SPAG1: variants seen among roughly 807,000 people sequenced by gnomAD.
The protein encoded by SPAG1 is sperm associated antigen 1.
A neutral mutation model predicts 100.5 loss-of-function variants in SPAG1; 69 were observed. The observed-to-expected ratio is 0.69, with a 90% CI of 0.57 to 0.84. The LOEUF (loss-of-function observed/expected upper bound fraction) is 0.84, where lower values mean the gene tolerates loss of function less well. SPAG1 is among the 40% of genes least tolerant of loss of function. SPAG1 has a pLI of 0.00. For synonymous variants in SPAG1, 336 were observed against 411.6 expected, an observed-to-expected ratio of 0.82 and a Z score of 2.22; for missense variants, 955 against 1,133.1, an observed-to-expected ratio of 0.84 and a Z score of 2.26.
intron 13 of SPAG1, 50 bp from the exon 14 acceptor site, chr8:100,225,123 T>TAA (rs1274313170): frequency 2.7e-6 from 4 of 1,475,414 alleles, no homozygotes; most frequent in Non-Finnish European, 3.8e-6. Flanking sequence ...CCTTCAGTAA[T>TAA]ATAAAAAGCA....
intron 4 of SPAG1, among the ~76,000 whole-genome samples, chr8:100,181,565 G>T (rs368369826): frequency 1.5e-4 from 23 of 152,202 alleles, no homozygotes; most frequent in Non-Finnish European, 1.5e-5. Flanking sequence ...CACAATCAAG[G>T]TATTGGCAGG....
intron 14 of SPAG1, among the ~76,000 whole-genome samples, chr8:100,226,233 G>T (rs538744200): frequency 6.6e-6 from 1 of 152,218 alleles, no homozygotes; most frequent in Non-Finnish European, 1.5e-5. Context: ...CAGGGCTAAA[G>T]TGATTCTCCT....
chr8:100,231,319 AT>A, intron 15 of SPAG1, 31 bp downstream of exon 15: 1 of 1,357,700 alleles, frequency 7.4e-7, no homozygotes, highest in Non-Finnish European at 1.0e-6. Flanking sequence ...TATATTTCTT[AT>A]GTTAATAGTT....
intron 10 of SPAG1, among the ~76,000 whole-genome samples, chr8:100,197,157 T>C (rs1381168934): frequency 6.6e-6 from 1 of 152,034 alleles, no homozygotes; most frequent in Non-Finnish European, 1.5e-5. Flanking sequence ...TTCTTTCTGA[T>C]AGAAAGAATA....
At chr8:100,192,423 G>A (rs1359626395) in intron 9 of SPAG1, among the ~76,000 whole-genome samples, 2 of 152,176 alleles carry the variant, frequency 1.3e-5, no homozygotes, top group Non-Finnish European at 2.9e-5. Flanking sequence ...TTACACTGGA[G>A]AGCCAACACA....
intron 3 of SPAG1, among the ~76,000 whole-genome samples, chr8:100,166,322 G>GAT (rs1407574065): frequency 6.6e-6 from 1 of 151,622 alleles, no homozygotes; most frequent in South Asian, 2.1e-4. Flanking sequence ...GCAGTGGCAC[G>GAT]ATCTTGGCTC....
chr8:100,181,259 A>G (rs1816355536), intron 4 of SPAG1, among the ~76,000 whole-genome samples: 1 of 152,184 alleles, frequency 6.6e-6, no homozygotes, highest in Non-Finnish European at 1.5e-5. Context: ...TAAAACTTGC[A>G]TGTATTTATG....
At chr8:100,206,990 C>T (rs999310063) in intron 10 of SPAG1, among the ~76,000 whole-genome samples, 3 of 152,116 alleles carry the variant, frequency 2.0e-5, no homozygotes, top group African/African-American at 7.2e-5. Context: ...TTGGCAGGCC[C>T]CCATAGATGA....
rs1288148545 is a variant in SPAG1 at position 100,225,176 on chromosome 8, A to G, written c.1692A>G (p.Leu564=). Residue 564 remains leucine, a synonymous_variant, in exon 14 of 19, where the codon CTA becomes CTG. Coordinates refer to ENST00000388798, the MANE Select transcript of SPAG1 (RefSeq NM_003114.5). ...AGAAAATTCACTTTCTCTTTAGGCT[A>G]TCAAGAATTTTAATGGAGCTGGATG... ...LQLANDSVNR[L]SRILMELDGP... is the part of the protein sequence containing the mutation. The G allele has an allele frequency of 6.2e-7, 1 of 1,609,004 alleles. No homozygotes were observed. The highest frequency in any genetic ancestry group is 8.5e-7 in the Non-Finnish European group (1 of 1,176,256).
rs186744079 is a variant in SPAG1 at position 100,220,162 on chromosome 8, C to T, written c.1536-117C>T. 291 of 797,590 alleles carry T rather than the reference C, an allele frequency of 3.6e-4. 1 individual carries two copies. The East Asian group carries it at 7.6e-3, about 21-fold the overall frequency. 49.4% of individuals were successfully genotyped at this position (797,590 alleles called of 1,614,324 possible). On this transcript the variant is annotated intron_variant, in intron 12 of 18. Coordinates refer to ENST00000388798, the MANE Select transcript of SPAG1 (RefSeq NM_003114.5). ...CTGGCATGTTGCCTGGTTCCCAAGA[C>T]GAAGTCTCGGATGTGTACATATTTG...
chr8:100,213,039 A>G, intron 10 of SPAG1, 51 bp from the exon 11 acceptor site: 1 of 1,135,230 alleles, frequency 8.8e-7, no homozygotes, highest in Admixed American at 5.5e-5. Context: ...CCTCCGCGGC[A>G]ACTGCTCCCG....
At chr8:100,180,415 ATG>A (rs1816318255) in intron 4 of SPAG1, among the ~76,000 whole-genome samples, 1 of 152,222 alleles carries the variant, frequency 6.6e-6, no homozygotes, top group African/African-American at 2.4e-5. Context: ...TTTAGATATT[ATG>A]TGTTTCTCAA....
At chr8:100,184,543 T>G in intron 6 of SPAG1, 85 bp from the exon 7 acceptor site, 1 of 621,416 alleles carries the variant, frequency 1.6e-6, no homozygotes, top group Non-Finnish European at 2.6e-6. Flanking sequence ...CTTCTGCTTC[T>G]GTTAAAATAA....
intron 4 of SPAG1, among the ~76,000 whole-genome samples, chr8:100,182,336 T>C (rs1445528899): frequency 6.6e-6 from 1 of 152,212 alleles, no homozygotes; most frequent in African/African-American, 2.4e-5. Flanking sequence ...GATGGGCCCA[T>C]GACCCAAGCT....
At chr8:100,203,817 G>A (rs1253224202) in intron 10 of SPAG1, among the ~76,000 whole-genome samples, 1 of 152,178 alleles carries the variant, frequency 6.6e-6, no homozygotes, top group African/African-American at 2.4e-5. Context: ...ATCTCCTGTA[G>A]AGAAAGAGCT....
chr8:100,196,188 T>G (rs528377111), intron 10 of SPAG1, among the ~76,000 whole-genome samples: 2 of 152,366 alleles, frequency 1.3e-5, no homozygotes, highest in South Asian at 4.1e-4. Context: ...CACACTCATT[T>G]GCAGGTTTTT....
At chr8:100,166,413 C>T (rs1815559904) in intron 3 of SPAG1, among the ~76,000 whole-genome samples, 1 of 152,064 alleles carries the variant, frequency 6.6e-6, no homozygotes, top group Admixed American at 6.6e-5. Flanking sequence ...TGCATGCCAC[C>T]ATGCCTGGCT....
rs1586445366 is a variant in SPAG1 at position 100,191,433 on chromosome 8, C to T, written c.876C>T (p.Leu292=). ...RATTYKHQNK[L]REATEDLSKV... ...CTACATATAAACATCAAAACAAGCT[C>T]CGGGAAGCTACAGAAGATTTGAGTA... is the stretch of plus-strand genomic sequence containing the variant. Residue 292 remains leucine, a synonymous_variant, in exon 9 of 19, where the codon CTC becomes CTT. Transcript: ENST00000388798. 2 of 1,613,996 alleles carry T rather than the reference C, an allele frequency of 1.2e-6. No individual in the cohort carries two copies. Among genetic ancestry groups the T allele is most frequent in the South Asian group, 1.1e-5 (1 of 91,072 alleles).
Position 100,177,833 on chromosome 8 carries a change from T to TA in SPAG1, c.324dup (p.Glu109ArgfsTer4), listed in dbSNP as rs1816195552. 6.5e-7 allele frequency: 1 copy of TA among 1,532,758 alleles called. No individual in the cohort carries two copies. Among genetic ancestry groups the TA allele is most frequent in the South Asian group, 1.1e-5 (1 of 88,934 alleles). 94.9% of individuals were successfully genotyped at this position (1,532,758 alleles called of 1,614,324 possible). The stretch of plus-strand genomic sequence containing the variant: ...ATTCTCAGAGTTGGGTATCAGAAAT[T>TA]AAAAAAGAAGAAGATAAAATGCACT... On this transcript the variant is annotated frameshift_variant, in exon 4 of 19. Transcript: ENST00000388798. LOFTEE classifies it high-confidence loss of function.
Sources: allele counts gnomAD v4.1 joint callset (sites outside exome capture counted in the v4.1 genomes callset), GRCh38; gene constraint gnomAD v4.1.1; transcripts MANE v1.5; gene names NCBI Gene and HGNC (gene_info 2026-07-23, HGNC 2026-07-21).